Variants in RPS6KC1 observed in about 807,000 individuals in gnomAD.
RPS6KC1 encodes ribosomal protein S6 kinase C1, also known as inactive ribosomal protein S6 kinase delta-1.
RPS6KC1 carries 54 observed loss-of-function variants against 103.8 expected under a neutral mutation model. That is an observed-to-expected ratio of 0.52 (90% CI 0.42 to 0.65). The LOEUF is 0.65. RPS6KC1 is among the 30% of genes least tolerant of loss of function. The probability of loss-of-function intolerance (pLI) is 0.00; values close to 1 mark genes in which losing one functional copy is unlikely to be tolerated. For synonymous variants in RPS6KC1, 439 were observed against 438.7 expected, an observed-to-expected ratio of 1.00 and a Z score of -0.01; for missense variants, 1,151 against 1,253.8, an observed-to-expected ratio of 0.92 and a Z score of 1.24.
At chr1:213,739,896 T>A in the RPS6KC1 span, among the ~76,000 whole-genome samples, 2 of 152,048 alleles carry the variant, frequency 1.3e-5, no homozygotes, top group African/African-American at 4.8e-5. Context: ...ATAAAAGCAA[T>A]TAAAACACGG....
At chr1:213,772,433 T>C in the RPS6KC1 span, among the ~76,000 whole-genome samples, 3 of 152,242 alleles carry the variant, frequency 2.0e-5, no homozygotes, top group African/African-American at 7.2e-5. Context: ...AGATAATGTG[T>C]CATTTGCTGT....
chr1:213,659,743 AC>A, the RPS6KC1 span, among the ~76,000 whole-genome samples: 1 of 152,236 alleles, frequency 6.6e-6, no homozygotes, highest in East Asian at 1.9e-4. Context: ...GTGTAAATAG[AC>A]CAGAGGTGCA....
At chr1:213,773,553 A>G in the RPS6KC1 span, among the ~76,000 whole-genome samples, 1 of 149,276 alleles carries the variant, frequency 6.7e-6, no homozygotes, top group African/African-American at 2.4e-5. Context: ...ATATCTCTAT[A>G]TATGTTATGT....
the RPS6KC1 span, among the ~76,000 whole-genome samples, chr1:213,744,134 G>A: frequency 7.9e-5 from 12 of 152,144 alleles, no homozygotes; most frequent in South Asian, 2.5e-3. Flanking sequence ...GGGGGGAAAG[G>A]GAGTGGAGGG....
At chr1:213,440,086 G>GT in the RPS6KC1 span, among the ~76,000 whole-genome samples, 2 of 152,128 alleles carry the variant, frequency 1.3e-5, no homozygotes, top group Non-Finnish European at 2.9e-5. Flanking sequence ...CCATTGGAAT[G>GT]TTTTTTATTA....
intron 5 of RPS6KC1, among the ~76,000 whole-genome samples, chr1:213,121,658 A>T (rs543152515): frequency 1.3e-5 from 2 of 152,266 alleles, no homozygotes; most frequent in South Asian, 4.1e-4. Flanking sequence ...TGAAGGGTGT[A>T]GATTGCTTTG....
the RPS6KC1 span, among the ~76,000 whole-genome samples, chr1:213,674,518 A>G: frequency 6.6e-6 from 1 of 152,230 alleles, no homozygotes; most frequent in Non-Finnish European, 1.5e-5. Context: ...TATATACACC[A>G]CATTTTCTTA....
the RPS6KC1 span, among the ~76,000 whole-genome samples, chr1:213,626,122 C>T: frequency 6.6e-6 from 1 of 152,228 alleles, no homozygotes; most frequent in Non-Finnish European, 1.5e-5. Context: ...GATCGCCATT[C>T]TAACTGGTGT....
chr1:213,271,412 CTGGGGATGGGGG>C (rs1254471965), intron 14 of RPS6KC1, among the ~76,000 whole-genome samples: 1 of 151,976 alleles, frequency 6.6e-6, no homozygotes, highest in Non-Finnish European at 1.5e-5. Flanking sequence ...TTGCCGAGGG[CTGGGGATGGGGG>C]TGGGGATTAA....
chr1:213,517,716 G>T, the RPS6KC1 span, among the ~76,000 whole-genome samples: 1 of 152,190 alleles, frequency 6.6e-6, no homozygotes, highest in Non-Finnish European at 1.5e-5. Flanking sequence ...TTGATTTGGG[G>T]TGGAAAGTTC....
intron 13 of RPS6KC1, among the ~76,000 whole-genome samples, chr1:213,262,179 A>G (rs2094812565): frequency 6.6e-6 from 1 of 152,188 alleles, no homozygotes; most frequent in Non-Finnish European, 1.5e-5. Flanking sequence ...TATTGTGCAG[A>G]TTGCCTCCTG....
the RPS6KC1 span, among the ~76,000 whole-genome samples, chr1:213,785,345 T>A: frequency 1.3e-5 from 2 of 152,048 alleles, no homozygotes; most frequent in African/African-American, 2.4e-5. Context: ...GGTCTCCAGA[T>A]GAAGGAGAGT....
the RPS6KC1 span, among the ~76,000 whole-genome samples, chr1:213,589,981 G>C: frequency 6.8e-6 from 1 of 146,884 alleles, no homozygotes; most frequent in Non-Finnish European, 1.5e-5. Context: ...GTGTGTGTGT[G>C]TCTGGAGCAG....
At chr1:213,220,666 G>A (rs982205068) in intron 8 of RPS6KC1, among the ~76,000 whole-genome samples, 1 of 152,150 alleles carries the variant, frequency 6.6e-6, no homozygotes, top group Non-Finnish European at 1.5e-5. Context: ...AGATGCTTTT[G>A]TATAATTTTC....
chr1:213,192,927 T>C (rs1047958260), intron 8 of RPS6KC1, among the ~76,000 whole-genome samples: 3 of 152,296 alleles, frequency 2.0e-5, no homozygotes, highest in Middle Eastern at 6.8e-3. Context: ...TCAGTTTTTT[T>C]CCTCAGTTTC....
chr1:213,096,551 G>C (rs1253356121), intron 3 of RPS6KC1, among the ~76,000 whole-genome samples: 2 of 152,078 alleles, frequency 1.3e-5, no homozygotes, highest in African/African-American at 4.8e-5. Flanking sequence ...TATAATTCCA[G>C]CTACTCGGGA....
the RPS6KC1 span, among the ~76,000 whole-genome samples, chr1:213,355,968 T>A: frequency 6.6e-6 from 1 of 152,180 alleles, no homozygotes; most frequent in African/African-American, 2.4e-5. Context: ...CATAAGGTTG[T>A]TATGAGGATT....
At chr1:213,099,844 T>C (rs2081853488) in intron 3 of RPS6KC1, among the ~76,000 whole-genome samples, 1 of 152,238 alleles carries the variant, frequency 6.6e-6, no homozygotes, top group African/African-American at 2.4e-5. Flanking sequence ...TATTGCTGTT[T>C]AGTTTAAATG....
At chr1:213,173,173 A>G (rs1384487558) in intron 7 of RPS6KC1, among the ~76,000 whole-genome samples, 3 of 152,252 alleles carry the variant, frequency 2.0e-5, no homozygotes, top group African/African-American at 7.2e-5. Context: ...AGAAAGGAGT[A>G]GATCTATAGG....
Sources: allele counts gnomAD v4.1 joint callset (sites outside exome capture counted in the v4.1 genomes callset), GRCh38; gene constraint gnomAD v4.1.1; transcripts MANE v1.5; gene names NCBI Gene and HGNC (gene_info 2026-07-23, HGNC 2026-07-21).